The following HSD17B2 variants were observed in gnomAD, a reference collection of about 807,000 sequenced individuals.
HSD17B2 encodes hydroxysteroid 17-beta dehydrogenase 2.
HSD17B2 carries 32 observed loss-of-function variants against 26.9 expected under a neutral mutation model. The observed-to-expected ratio is 1.19, with a 90% CI of 0.90 to 1.60. The LOEUF (loss-of-function observed/expected upper bound fraction) is 1.60. HSD17B2 is among the 40% of genes most tolerant of loss of function. The pLI is 0.00. For synonymous variants in HSD17B2, 246 were observed against 186.7 expected (o/e 1.32, Z -2.59); for missense variants, 613 against 468.6 (o/e 1.31, Z -2.85).
chr16:82,095,219 C>G (rs779491501), intron 4 of HSD17B2: 2 of 152,106 alleles, frequency 1.3e-5, no homozygotes, highest in Admixed American at 6.5e-5. Flanking sequence ...TAGTAGCTCA[C>G]GAAAACATGT....
chr16:82,076,284 C>A (rs1904301929), intron 3 of HSD17B2, among the ~76,000 whole-genome samples: 1 of 152,156 alleles, frequency 6.6e-6, no homozygotes, highest in Non-Finnish European at 1.5e-5. Context: ...TACTGTCATG[C>A]TGAATGGGAA....
rs1157377908 is a variant in HSD17B2 at position 82,070,948 on chromosome 16, G to C, written c.485G>C (p.Trp162Ser). The part of the protein sequence containing the change: ...VAAMLQDRGL[W>S]AVINNAGVLG... Reference sequence around the variant, plus strand: ...TATGGTTTTCTGTCTCCAGGACTGTGGGCTGTGATCAACAATGCTGGGGTG... The same window carrying C: ...TATGGTTTTCTGTCTCCAGGACTGTCGGCTGTGATCAACAATGCTGGGGTG... The change falls in exon 3 of 5, where the codon TGG (tryptophan) becomes TCG (serine). Residue 162 changes from tryptophan (W) to serine (S), a missense_variant. Coordinates refer to ENST00000199936, the MANE Select transcript of HSD17B2 (RefSeq NM_002153.3). The C allele has an allele frequency of 1.9e-6, 3 of 1,613,200 alleles. No individual in the cohort carries two copies. The African/African-American group carries it at 4.0e-5, about 22-fold the overall frequency.
intron 3 of HSD17B2, chr16:82,090,270 G>T (rs1904645777): frequency 5.6e-6 from 3 of 532,524 alleles, no homozygotes; most frequent in Non-Finnish European, 7.1e-6. Context: ...GGCCTGGTCG[G>T]TAGGTGCTCT....
At chr16:82,051,222 G>A (rs1340216157) in intron 1 of HSD17B2, among the ~76,000 whole-genome samples, 1 of 152,120 alleles carries the variant, frequency 6.6e-6, no homozygotes, top group Non-Finnish European at 1.5e-5. Flanking sequence ...TGTAATGATA[G>A]CATTGCGTAC....
intron 1 of HSD17B2, among the ~76,000 whole-genome samples, chr16:82,052,893 G>C (rs781777323): frequency 2.3e-4 from 35 of 152,156 alleles, no homozygotes; most frequent in Admixed American, 7.9e-4. Context: ...CATGGTACTG[G>C]CATTGCTCTT....
intron 1 of HSD17B2, among the ~76,000 whole-genome samples, chr16:82,061,937 T>C (rs928801002): frequency 1.3e-5 from 2 of 152,212 alleles, no homozygotes; most frequent in Non-Finnish European, 2.9e-5. Context: ...CTCAGTCCTG[T>C]ATTTACAGGG....
At chr16:82,090,315 T>TTTTG (rs1904651220) in intron 3 of HSD17B2, 1 of 305,140 alleles carries the variant, frequency 3.3e-6, no homozygotes, top group African/African-American at 3.0e-5. Flanking sequence ...TTTTTTTTTT[T>TTTTG]TTTTTTTTTT....
chr16:82,089,231 C>T (rs542757367), intron 3 of HSD17B2, among the ~76,000 whole-genome samples: 11 of 152,326 alleles, frequency 7.2e-5, no homozygotes, highest in Middle Eastern at 3.4e-3. Context: ...AGTACATACC[C>T]TTTTGTGTTT....
intron 1 of HSD17B2, among the ~76,000 whole-genome samples, chr16:82,039,696 G>T (rs1435134247): frequency 6.6e-6 from 1 of 152,156 alleles, no homozygotes; most frequent in Non-Finnish European, 1.5e-5. Flanking sequence ...AAGCTTGGCA[G>T]GAGATGCACA....
At chr16:82,045,121 C>CAAAA (rs10565056) in intron 1 of HSD17B2, among the ~76,000 whole-genome samples, 7 of 42,580 alleles carry the variant, frequency 1.6e-4, no homozygotes, top group African/African-American at 3.5e-4. Flanking sequence ...AAACTCTGTC[C>CAAAA]AAAAAAAAAA....
At chr16:82,093,039 T>G (rs1449205808) in intron 4 of HSD17B2, 1 of 151,906 alleles carries the variant, frequency 6.6e-6, no homozygotes, top group Non-Finnish European at 1.5e-5. Context: ...CTCACCCACT[T>G]ACCATACATT....
intron 1 of HSD17B2, among the ~76,000 whole-genome samples, chr16:82,050,813 T>C (rs988600751): frequency 6.6e-6 from 1 of 152,174 alleles, no homozygotes; most frequent in Non-Finnish European, 1.5e-5. Flanking sequence ...TTTTGTTTTG[T>C]TTTTGTTTTT....
At chr16:82,097,740 A>T (rs1358683323) in intron 4 of HSD17B2, 2 of 163,728 alleles carry the variant, frequency 1.2e-5, no homozygotes, top group East Asian at 3.4e-4. Context: ...GGAGTTCAAG[A>T]CCAGCCTGGC....
chr16:82,079,151 C>T (rs889337890), intron 3 of HSD17B2, among the ~76,000 whole-genome samples: 3 of 152,176 alleles, frequency 2.0e-5, no homozygotes, highest in East Asian at 3.9e-4. Context: ...TAAATATATA[C>T]ACCAACTATG....
At chr16:82,055,059 A>C (rs904042868) in intron 1 of HSD17B2, among the ~76,000 whole-genome samples, 1 of 152,080 alleles carries the variant, frequency 6.6e-6, no homozygotes, top group African/African-American at 2.4e-5. Flanking sequence ...GCCCATCCCC[A>C]TTTTTACAAT....
chr16:82,095,068 T>C (rs1904800527), intron 4 of HSD17B2: 3 of 152,214 alleles, frequency 2.0e-5, no homozygotes, highest in Admixed American at 6.5e-5. Context: ...AAAAGGCTGA[T>C]GGCTTTGTCA....
intron 4 of HSD17B2, chr16:82,097,082 G>C (rs1162831817): frequency 6.7e-6 from 1 of 150,138 alleles, no homozygotes; most frequent in African/African-American, 2.5e-5. Flanking sequence ...AGAGTGCAGT[G>C]GTGCAGTCAT....
chr16:82,094,412 C>T (rs1166690255), intron 4 of HSD17B2: 1 of 152,244 alleles, frequency 6.6e-6, no homozygotes, highest in Non-Finnish European at 1.5e-5. Context: ...GTTTCATTGA[C>T]ATTATTCTCC....
At chr16:82,038,345 T>C (rs1913674144) in intron 1 of HSD17B2, among the ~76,000 whole-genome samples, 1 of 152,186 alleles carries the variant, frequency 6.6e-6, no homozygotes, top group Non-Finnish European at 1.5e-5. Context: ...CATTTTATTT[T>C]ATTTTATTTC....
Sources: allele counts gnomAD v4.1 joint callset (sites outside exome capture counted in the v4.1 genomes callset), GRCh38; gene constraint gnomAD v4.1.1; transcripts MANE v1.5; gene names NCBI Gene and HGNC (gene_info 2026-07-23, HGNC 2026-07-21).